Variants in ZNF737 observed in about 807,000 individuals in gnomAD.
The protein encoded by ZNF737 is zinc finger protein 102 (Y3).
ZNF737 carries 13 observed loss-of-function variants against 11.7 expected under a neutral mutation model. The ratio of observed to expected loss-of-function variants is 1.11; its 90% CI spans 0.73 to 1.77. The LOEUF is 1.77. Ranked by LOEUF, ZNF737 falls within the 40% of genes most tolerant of loss-of-function variation. The pLI is 0.00. For synonymous variants in ZNF737, 217 were observed against 216.2 expected, an observed-to-expected ratio of 1.00 and a Z score of -0.03; for missense variants, 636 against 638.0, an observed-to-expected ratio of 1.00 and a Z score of 0.03.
In ZNF737 at chr19:20,541,525, C is replaced by T. The variant is rs532569751; in HGVS notation, c.*3067G>A. 1.2e-3 allele frequency: 546 copies of T among 461,142 alleles called. 1 individual carries two copies. The highest frequency in any genetic ancestry group is 1.4e-3 in the Non-Finnish European group (497 of 351,248). 28.6% of individuals were successfully genotyped at this position (461,142 alleles called of 1,614,324 possible). On this transcript the variant is annotated 3_prime_UTR_variant, in exon 4 of 4. Coordinates refer to ENST00000427401, the MANE Select transcript of ZNF737 (RefSeq NM_001159293.2). ...GCAGTGGCATGATCTCAGCTCACTG[C>T]AACCTCTGCCTCCTGGGCTCAAACG...
intron 1 of ZNF737, among the ~76,000 whole-genome samples, chr19:20,560,552 A>G (rs1969053746): frequency 6.6e-6 from 1 of 152,108 alleles, no homozygotes; most frequent in African/African-American, 2.4e-5. Flanking sequence ...AGGCCAATGT[A>G]GGTTGATCAC....
chr19:20,536,963 C>T (rs535386225), downstream of ZNF737, among the ~76,000 whole-genome samples: 34 of 151,598 alleles, frequency 2.2e-4, no homozygotes, highest in South Asian at 5.4e-3. Flanking sequence ...ATCAGCTGGG[C>T]GTGGTGGCGG....
chr19:20,536,114 CTAG>C (rs1452476856), downstream of ZNF737: 1 of 984,998 alleles, frequency 1.0e-6, no homozygotes, highest in Non-Finnish European at 1.2e-6. Context: ...TAGCAGTTTT[CTAG>C]TAGGACAGCC....
chr19:20,542,765 TC>T lies in ZNF737; in HGVS notation c.*1826del. ...TGTTCTTACTATTTTATAGAAAAAG[TC>T]ATAATGTCCAAATAATGTAAAAAAA... On this transcript the variant is annotated 3_prime_UTR_variant, in exon 4 of 4. Transcript: ENST00000427401. 1 of 985,126 alleles carries T rather than the reference TC, an allele frequency of 1.0e-6. No homozygotes were observed. The highest frequency in any genetic ancestry group is 1.2e-6 in the Non-Finnish European group (1 of 829,684). The allele number at this position is 985,126 out of a possible 1,614,324, so 61.0% of individuals were successfully genotyped here. A position where few individuals can be genotyped will look rare whatever the true frequency, so the allele number is the denominator to read the frequency against.
chr19:20,531,047 A>G (rs2562651), downstream of ZNF737, among the ~76,000 whole-genome samples: 90,071 of 144,872 alleles, frequency 0.62, 30,892 homozygotes, highest in African/African-American at 0.83. Context: ...CCAACACAGC[A>G]AAACCCCGTC....
chr19:20,530,484 G>A, the ZNF737 span, among the ~76,000 whole-genome samples: 3 of 148,548 alleles, frequency 2.0e-5, 1 homozygote, highest in Admixed American at 6.6e-5. Flanking sequence ...GGTGGCAGCC[G>A]GGTGGAGGGG....
chr19:20,534,452 A>ATT (rs1555753421), downstream of ZNF737, among the ~76,000 whole-genome samples: 25 of 84,352 alleles, frequency 3.0e-4, no homozygotes, highest in Non-Finnish European at 4.4e-4. Flanking sequence ...AAAAAGAAAA[A>ATT]ATATCTATCT....
downstream of ZNF737, among the ~76,000 whole-genome samples, chr19:20,531,943 G>A (rs33949): frequency 0.65 from 97,634 of 149,574 alleles, 35,510 homozygotes; most frequent in African/African-American, 0.91. Flanking sequence ...AGCATGCACT[G>A]AAGATGCTGA....
downstream of ZNF737, among the ~76,000 whole-genome samples, chr19:20,532,603 A>T (rs564733508): frequency 1.2e-5 from 1 of 84,326 alleles, no homozygotes; most frequent in African/African-American, 8.3e-5. Context: ...GCCACACACC[A>T]TATTACATTT....
At chr19:20,548,742 A>G (rs1555757562) in intron 3 of ZNF737, among the ~76,000 whole-genome samples, 2 of 113,824 alleles carry the variant, frequency 1.8e-5, no homozygotes, top group African/African-American at 6.3e-5. Flanking sequence ...ATGGCTGGCT[A>G]TTATTATTAT....
intron 3 of ZNF737, among the ~76,000 whole-genome samples, chr19:20,546,324 C>G (rs948494983): frequency 2.0e-5 from 3 of 152,112 alleles, no homozygotes; most frequent in Admixed American, 2.0e-4. Context: ...CGGATGCAGT[C>G]GCTCATGCCT....
downstream of ZNF737, among the ~76,000 whole-genome samples, chr19:20,531,528 C>T (rs1967829003): frequency 6.7e-6 from 1 of 149,586 alleles, no homozygotes; most frequent in African/African-American, 2.5e-5. Flanking sequence ...GTGATCTTAG[C>T]TCACTGAAAC....
Position 20,542,060 on chromosome 19 carries a change from T to C in ZNF737, c.*2532A>G, listed in dbSNP as rs1190934002. 2.0e-6 allele frequency: 2 copies of C among 985,092 alleles called. No individual in the cohort carries two copies. The highest frequency in any genetic ancestry group is 6.1e-5 in the Admixed American group (1 of 16,268). The allele number at this position is 985,092 out of a possible 1,614,324, so 61.0% of individuals were successfully genotyped here. A position where few individuals can be genotyped will look rare whatever the true frequency, so the allele number is the denominator to read the frequency against. ...TGCAGTTTAAAGCCACTGACAGTGA[T>C]TACTAAAGATGTTATTTTACAATGT... On this transcript the variant is annotated 3_prime_UTR_variant, in exon 4 of 4. Transcript: ENST00000427401.
At chr19:20,537,190 G>A (rs1458671006), downstream of ZNF737, among the ~76,000 whole-genome samples, 2 of 140,014 alleles carry the variant, frequency 1.4e-5, no homozygotes, top group Middle Eastern at 3.3e-3. Context: ...TTAAGGTACT[G>A]GTTTTTTTTT....
At position 20,542,239 on chromosome 19, in the gene ZNF737, T is replaced by TG. The variant is rs1234774606; in HGVS notation, c.*2352_*2353insC. 1 of 973,010 alleles carries TG rather than the reference T, an allele frequency of 1.0e-6. No individual in the cohort carries two copies. The highest frequency in any genetic ancestry group is 1.8e-5 in the African/African-American group (1 of 56,858). 60.3% of individuals were successfully genotyped at this position (973,010 alleles called of 1,614,324 possible). ...TCACAAATAATCTAACAAACTTTTT[T>TG]TTTTTTGAGACAGAGTTTTGCTCTT... On this transcript the variant is annotated 3_prime_UTR_variant, in exon 4 of 4. Coordinates refer to ENST00000427401, the MANE Select transcript of ZNF737 (RefSeq NM_001159293.2).
chr19:20,531,118 C>G (rs1405776891), downstream of ZNF737, among the ~76,000 whole-genome samples: 3 of 146,262 alleles, frequency 2.1e-5, no homozygotes, highest in Non-Finnish European at 4.5e-5. Flanking sequence ...ATCGCAGGCA[C>G]TCGGCAGGCT....
chr19:20,551,763 T>C (rs919562523), intron 3 of ZNF737, among the ~76,000 whole-genome samples: 9 of 150,930 alleles, frequency 6.0e-5, no homozygotes, highest in Admixed American at 6.6e-5. Flanking sequence ...AATGAAAAAA[T>C]TAGAAGATCC....
At position 20,539,345 on chromosome 19, in the gene ZNF737, A is replaced by G; in HGVS notation, c.*5247T>C. ...TACTTGGAAACCCTGGGAAGCCCCT[A>G]TAAAATACTCCCTTTGAATACTTTA... On this transcript the variant is annotated 3_prime_UTR_variant, in exon 4 of 4. Transcript: ENST00000427401. The G allele has an allele frequency of 1.0e-6, 1 of 985,314 alleles. No individual in the cohort carries two copies. Among genetic ancestry groups the G allele is most frequent in the Non-Finnish European group, 1.2e-6 (1 of 829,892 alleles). 61.0% of individuals were successfully genotyped at this position (985,314 alleles called of 1,614,324 possible).
In ZNF737 at chr19:20,550,817, A is replaced by T. The variant is rs558677250; in HGVS notation, c.226+1658T>A. 2.0e-5 allele frequency among the ~76,000 whole-genome samples: 3 copies of T among 152,318 alleles called. No individual in the cohort carries two copies. The South Asian group carries it at 6.2e-4, about 32-fold the overall frequency. On this transcript the variant is annotated intron_variant, in intron 3 of 3. Transcript: ENST00000427401. ...AATGCTGTTAAAGCGTAAGGTTGAGAAGTGTTCTATTCAGAAGGCAGGCTC... is the reference window on the plus strand; with the variant it reads ...AATGCTGTTAAAGCGTAAGGTTGAGTAGTGTTCTATTCAGAAGGCAGGCTC...
Sources: gnomAD v4.1 joint callset for allele counts (sites outside exome capture counted in the v4.1 genomes callset) on GRCh38, gnomAD v4.1.1 for gene constraint, MANE v1.5 for transcripts, NCBI Gene and HGNC (gene_info 2026-07-23, HGNC 2026-07-21) for gene names.